The following FGF12 variants were observed in gnomAD, a reference collection of about 807,000 sequenced individuals.
The protein encoded by FGF12 is fibroblast growth factor 12.
In FGF12, 14 loss-of-function variants were observed where a neutral mutation model predicts 23.6. The observed-to-expected ratio is 0.59, with a 90% confidence interval of 0.39 to 0.93. FGF12 has a LOEUF of 0.93. Among genes scored for constraint, FGF12 ranks in the 40% least tolerant of loss-of-function variants. The probability of loss-of-function intolerance (pLI) is 0.00; values close to 1 mark genes in which losing one functional copy is unlikely to be tolerated. For missense variants in FGF12, 175 were observed against 217.8 expected (o/e 0.80, Z 1.24); for synonymous variants, 62 against 77.3 (o/e 0.80, Z 1.04).
intron 2 of FGF12, among the ~76,000 whole-genome samples, chr3:192,693,092 G>A (rs987305829): frequency 4.6e-5 from 7 of 151,908 alleles, no homozygotes; most frequent in African/African-American, 1.7e-4. Context: ...TTTTAGTAAA[G>A]TTGCAGGATT....
At chr3:192,425,780 A>C (rs1434680420) in intron 2 of FGF12, among the ~76,000 whole-genome samples, 1 of 152,208 alleles carries the variant, frequency 6.6e-6, no homozygotes, top group Non-Finnish European at 1.5e-5. Flanking sequence ...TTAATCTATA[A>C]AGTCATGTAC....
intron 4 of FGF12, among the ~76,000 whole-genome samples, chr3:192,187,775 TG>T (rs1345633258): frequency 1.5e-5 from 2 of 129,360 alleles, no homozygotes; most frequent in Non-Finnish European, 3.3e-5. Context: ...ATAGAACAGA[TG>T]GAAAGAAAAA....
chr3:192,393,803 T>G (rs897385132), intron 2 of FGF12, among the ~76,000 whole-genome samples: 15 of 152,268 alleles, frequency 9.9e-5, no homozygotes, highest in African/African-American at 3.6e-4. Flanking sequence ...TCACAAACTG[T>G]CCATAATATT....
intron 4 of FGF12, among the ~76,000 whole-genome samples, chr3:192,171,670 T>G (rs1715567212): frequency 6.6e-6 from 1 of 152,024 alleles, no homozygotes; most frequent in Non-Finnish European, 1.5e-5. Flanking sequence ...TAAACAGGAG[T>G]CCTACATGTC....
Position 192,349,261 on chromosome 3 carries a change from A to G in FGF12, c.124+11167T>C, listed in dbSNP as rs1718100136. 4.6e-5 allele frequency among the ~76,000 whole-genome samples: 7 copies of G among 152,256 alleles called. No individual in the cohort carries two copies. In the South Asian group the frequency reaches 1.4e-3, roughly 32 times the overall value. ...AAGACGGAGCACAGGATATGGATAT[A>G]GTAGAAATGAATTCTACTTACTGTA... On this transcript the variant is annotated intron_variant, in intron 3 of 5. Transcript: ENST00000445105.
At position 192,313,078 on chromosome 3, in the gene FGF12, G is replaced by A. The variant is rs150495414; in HGVS notation, c.228+22283C>T. Among the ~76,000 whole-genome samples the A allele has an allele frequency of 1.4e-3, 220 of 152,216 alleles. 3 individuals are homozygous for A. In the East Asian group the frequency reaches 0.038, roughly 26 times the overall value. On this transcript the variant is annotated intron_variant, in intron 4 of 5. Transcript: ENST00000445105. ...TTAAAGAAATTTCCAGAGAAATTCT[G>A]TCGAAATTAGTTTCCTCTATTATTC...
At chr3:192,326,688 G>T (rs759688226) in intron 4 of FGF12, among the ~76,000 whole-genome samples, 1 of 152,180 alleles carries the variant, frequency 6.6e-6, no homozygotes, top group Non-Finnish European at 1.5e-5. Context: ...AAGGTGATAG[G>T]CTGCCCCGGT....
intron 2 of FGF12, among the ~76,000 whole-genome samples, chr3:192,584,584 C>T (rs1274855690): frequency 6.6e-6 from 1 of 152,068 alleles, no homozygotes; most frequent in African/African-American, 2.4e-5. Flanking sequence ...TAGTTGCATA[C>T]CAGAATGTCA....
chr3:192,406,067 A>T (rs1037951178), intron 2 of FGF12, among the ~76,000 whole-genome samples: 8 of 151,446 alleles, frequency 5.3e-5, no homozygotes, highest in African/African-American at 1.9e-4. Context: ...GTGTAGAACA[A>T]AAAGGGAGGC....
At chr3:192,178,919 C>A (rs747284321) in intron 4 of FGF12, among the ~76,000 whole-genome samples, 1 of 152,198 alleles carries the variant, frequency 6.6e-6, no homozygotes, top group Non-Finnish European at 1.5e-5. Context: ...CAATTTATAT[C>A]CAACAACTCC....
At chr3:192,486,896 C>CAA (rs1468756060) in intron 2 of FGF12, among the ~76,000 whole-genome samples, 1 of 152,144 alleles carries the variant, frequency 6.6e-6, no homozygotes, top group Non-Finnish European at 1.5e-5. Flanking sequence ...ACTGTGTTTA[C>CAA]AAGTGTGTTT....
At chr3:192,221,916 A>G (rs1718496160) in intron 4 of FGF12, among the ~76,000 whole-genome samples, 1 of 152,188 alleles carries the variant, frequency 6.6e-6, no homozygotes, top group African/African-American at 2.4e-5. Flanking sequence ...AATATAAACA[A>G]AAACAAACAA....
chr3:192,328,202 A>T (rs2108688829), intron 4 of FGF12, among the ~76,000 whole-genome samples: 1 of 152,262 alleles, frequency 6.6e-6, no homozygotes. Context: ...GTCCAAAAAG[A>T]GGTGCAGCCA....
At chr3:192,392,014 C>T (rs1720312686) in intron 2 of FGF12, among the ~76,000 whole-genome samples, 1 of 152,162 alleles carries the variant, frequency 6.6e-6, no homozygotes, top group South Asian at 2.1e-4. Context: ...AATGGTATCA[C>T]CTGGGAGAGA....
chr3:192,615,609 C>A (rs1477120447), intron 2 of FGF12, among the ~76,000 whole-genome samples: 1 of 151,998 alleles, frequency 6.6e-6, no homozygotes, highest in Non-Finnish European at 1.5e-5. Flanking sequence ...CTCACTGATT[C>A]CAATTCACAG....
At chr3:192,681,788 G>A (rs1471311029) in intron 2 of FGF12, among the ~76,000 whole-genome samples, 1 of 151,754 alleles carries the variant, frequency 6.6e-6, no homozygotes, top group Admixed American at 6.6e-5. Context: ...ATTTACTCCA[G>A]AAGCTGGCTG....
intron 4 of FGF12, among the ~76,000 whole-genome samples, chr3:192,171,027 A>AAATC (rs1195982136): frequency 1.3e-5 from 2 of 152,188 alleles, no homozygotes; most frequent in African/African-American, 4.8e-5. Flanking sequence ...TTTATCCTGG[A>AAATC]AATCAAAATC....
intron 2 of FGF12, among the ~76,000 whole-genome samples, chr3:192,392,800 A>G (rs1383943472): frequency 1.3e-5 from 2 of 152,194 alleles, no homozygotes; most frequent in South Asian, 2.1e-4. Context: ...ATAAGTAGAC[A>G]ATGGATGTCT....
At position 192,408,122 on chromosome 3, in the gene FGF12, G is replaced by C; in HGVS notation, c.14-47584C>G. ...TCTCGCACAGGGAGCGCCCGTCTTTGCTGGGGCTGGAGCGGCGCTTGGAGG... is the reference window on the plus strand; with the variant it reads ...TCTCGCACAGGGAGCGCCCGTCTTTCCTGGGGCTGGAGCGGCGCTTGGAGG... On this transcript the variant is annotated intron_variant, in intron 2 of 5. Coordinates refer to ENST00000445105, the MANE Select transcript of FGF12 (RefSeq NM_004113.6). The surrounding 1 kb of genome is among the most constrained non-coding windows in gnomAD (Gnocchi z 7.3). 6.2e-7 allele frequency: 1 copy of C among 1,613,016 alleles called. No individual in the cohort carries two copies. Among genetic ancestry groups the C allele is most frequent in the Non-Finnish European group, 8.5e-7 (1 of 1,180,000 alleles).
Sources: gnomAD v4.1 joint callset for allele counts (sites outside exome capture counted in the v4.1 genomes callset) on GRCh38, gnomAD v4.1.1 for gene constraint, Gnocchi (gnomAD v3.1) non-coding constraint, MANE v1.5 for transcripts, NCBI Gene and HGNC (gene_info 2026-07-23, HGNC 2026-07-21) for gene names.